Variants in POLR2F observed in about 807,000 individuals in gnomAD.
POLR2F encodes DNA-directed RNA polymerases I, II, and III subunit RPABC2.
POLR2F carries 12 observed loss-of-function variants against 22.7 expected under a neutral mutation model. That is an observed-to-expected ratio of 0.53 (90% confidence interval 0.34 to 0.86). The LOEUF is 0.86. Among genes scored for constraint, POLR2F ranks in the 40% least tolerant of loss-of-function variants. POLR2F has a pLI of 0.02. For synonymous variants in POLR2F, 57 were observed against 66.0 expected (o/e 0.86, Z 0.66); for missense variants, 126 against 171.5 (o/e 0.73, Z 1.48).
chr22:37,985,737 G>T (rs1183212614), upstream of POLR2F, among the ~76,000 whole-genome samples: 3 of 151,946 alleles, frequency 2.0e-5, no homozygotes, highest in African/African-American at 7.3e-5. Flanking sequence ...GTCCAAAGGG[G>T]TGTAGGGGGT....
At chr22:38,025,806 T>A in intron 1 of POLR2F, 1 of 1,494,438 alleles carries the variant, frequency 6.7e-7, no homozygotes, top group Admixed American at 1.7e-5. Flanking sequence ...TGGGCACTTT[T>A]CATGGCCAGC....
At chr22:37,999,050 T>G (rs1273905204) in intron 1 of POLR2F, among the ~76,000 whole-genome samples, 1 of 152,018 alleles carries the variant, frequency 6.6e-6, no homozygotes, top group Non-Finnish European at 1.5e-5. Context: ...GGCCTCCCCC[T>G]TCTGTCTTCC....
At chr22:38,008,195 G>A (rs2084839712) in intron 1 of POLR2F, among the ~76,000 whole-genome samples, 1 of 151,796 alleles carries the variant, frequency 6.6e-6, no homozygotes, top group Non-Finnish European at 1.5e-5. Flanking sequence ...AGCAGAGATT[G>A]CACCACTGCA....
intron 1 of POLR2F, among the ~76,000 whole-genome samples, chr22:38,003,325 C>T (rs1001448704): frequency 2.0e-5 from 3 of 151,938 alleles, no homozygotes; most frequent in South Asian, 2.1e-4. Flanking sequence ...CTCCCGGGTT[C>T]GAGCGATTCT....
chr22:37,971,086 G>A, downstream of POLR2F: 1 of 374,188 alleles, frequency 2.7e-6, no homozygotes, highest in East Asian at 7.4e-5. Flanking sequence ...ACTAGGGGCT[G>A]GAGACCGCAG....
intron 1 of POLR2F, among the ~76,000 whole-genome samples, chr22:38,019,406 C>A (rs569865850): frequency 6.6e-6 from 1 of 152,302 alleles, no homozygotes; most frequent in Admixed American, 6.5e-5. Flanking sequence ...ACTCCAGGAG[C>A]AGCCCGCCCT....
At chr22:37,955,405 G>A (rs1931345918) in intron 1 of POLR2F, among the ~76,000 whole-genome samples, 1 of 151,900 alleles carries the variant, frequency 6.6e-6, no homozygotes, top group Admixed American at 6.6e-5. Context: ...TGGGCATGGT[G>A]GCGTGTGCCT....
chr22:38,024,837 C>T (rs1438248804), intron 1 of POLR2F, among the ~76,000 whole-genome samples: 2 of 152,036 alleles, frequency 1.3e-5, no homozygotes, highest in Non-Finnish European at 2.9e-5. Context: ...AGGCAGGACC[C>T]TGGAGGGGTC....
chr22:38,009,519 A>T (rs972007617), intron 1 of POLR2F, among the ~76,000 whole-genome samples: 1 of 152,168 alleles, frequency 6.6e-6, no homozygotes, highest in African/African-American at 2.4e-5. Flanking sequence ...TCTCTTAGGT[A>T]CAGTTGACAT....
chr22:38,024,218 G>A (rs2084986607), intron 1 of POLR2F, among the ~76,000 whole-genome samples: 1 of 152,068 alleles, frequency 6.6e-6, no homozygotes, highest in Non-Finnish European at 1.5e-5. Context: ...TTTATTTCTA[G>A]TTTATTTCAC....
intron 2 of POLR2F, among the ~76,000 whole-genome samples, chr22:37,958,732 C>T (rs968175050): frequency 5.3e-5 from 8 of 152,136 alleles, no homozygotes; most frequent in South Asian, 2.1e-4. Context: ...CCCACCTCCT[C>T]GGGAACTCTG....
At chr22:37,971,459 AT>A (rs1932049472), downstream of POLR2F, among the ~76,000 whole-genome samples, 2 of 152,204 alleles carry the variant, frequency 1.3e-5, no homozygotes, top group South Asian at 4.1e-4. Context: ...GTGGAGCAAG[AT>A]GGCAAAGAGT....
downstream of POLR2F, among the ~76,000 whole-genome samples, chr22:38,028,330 T>A (rs781612551): frequency 6.6e-6 from 1 of 152,046 alleles, no homozygotes; most frequent in Non-Finnish European, 1.5e-5. Context: ...TCAAGACTGA[T>A]AAGGGATTGG....
At chr22:38,010,602 G>GGTT (rs1382349551) in intron 1 of POLR2F, among the ~76,000 whole-genome samples, 75 of 60,894 alleles carry the variant, frequency 1.2e-3, no homozygotes, top group African/African-American at 4.9e-3. Context: ...AATTCCTTGT[G>GGTT]TTTTTTTTTT....
At chr22:38,040,978 A>G in intron 5 of POLR2F, 2 of 1,595,960 alleles carry the variant, frequency 1.3e-6, no homozygotes, top group East Asian at 2.2e-5. Flanking sequence ...ACGTTGATCA[A>G]AGGCTGAAGT....
At chr22:37,975,168 A>G (rs1252114242) in intron 4 of POLR2F, among the ~76,000 whole-genome samples, 2 of 152,230 alleles carry the variant, frequency 1.3e-5, no homozygotes, top group African/African-American at 2.4e-5. Context: ...GGAGCATTAC[A>G]AAATGCCAGG....
intron 4 of POLR2F, among the ~76,000 whole-genome samples, chr22:37,976,163 C>G (rs1352919894): frequency 6.6e-6 from 1 of 152,190 alleles, no homozygotes; most frequent in Non-Finnish European, 1.5e-5. Context: ...GCAGACGTTG[C>G]AGTGAACCAA....
Position 37,986,497 on chromosome 22 carries a change from C to T in POLR2F, c.120+185C>T, listed in dbSNP as rs1433405967. The T allele has an allele frequency of 3.7e-6, 5 of 1,344,568 alleles. No homozygotes were observed. The East Asian group carries it at 1.2e-4, about 34-fold the overall frequency. 83.3% of individuals were successfully genotyped at this position (1,344,568 alleles called of 1,614,324 possible). A position where few individuals can be genotyped will look rare whatever the true frequency, so the allele number is the denominator to read the frequency against. ...CCACAGCTGCCCCCTCTCTAACTCCCTGCTTCCTCCTTTGCCCTCCTTGGT... is the reference window on the plus strand; with the variant it reads ...CCACAGCTGCCCCCTCTCTAACTCCTTGCTTCCTCCTTTGCCCTCCTTGGT... On this transcript the variant is annotated intron_variant, in intron 1 of 2. Transcript: ENST00000333418. The surrounding 1 kb of genome is among the most constrained non-coding windows in gnomAD (Gnocchi z 4.7).
rs1488148161 is a variant in POLR2F, at chr22:38,016,011, C to T, written c.121-9858C>T. ...CATCCACCCCTCCTGGAACTCTCCC[C>T]CGATGGTCTTCCCTACTCTCTAGCC... On this transcript the variant is annotated intron_variant, in intron 1 of 2. Coordinates refer to the POLR2F transcript ENST00000333418. The surrounding 1 kb of genome is among the most constrained non-coding windows in gnomAD (Gnocchi z 4.4). Among the ~76,000 whole-genome samples the T allele has an allele frequency of 6.6e-6, 1 of 152,112 alleles. No homozygotes were observed.
Sources: gnomAD v4.1 joint callset for allele counts (sites outside exome capture counted in the v4.1 genomes callset) on GRCh38, gnomAD v4.1.1 for gene constraint, Gnocchi (gnomAD v3.1) non-coding constraint, MANE v1.5 for transcripts, NCBI Gene and HGNC (gene_info 2026-07-23, HGNC 2026-07-21) for gene names.